The following AFF3 variants were observed in gnomAD, a reference collection of about 807,000 sequenced individuals.
The protein encoded by AFF3 is ALF transcription elongation factor 3.
Under a neutral mutation model 129.7 loss-of-function variants are expected in AFF3, and 32 were observed. The observed-to-expected ratio is 0.25, with a 90% confidence interval of 0.19 to 0.33. AFF3 has a LOEUF of 0.33. Among genes scored for constraint, AFF3 ranks in the 10% least tolerant of loss-of-function variants. The pLI is 1.00. For synonymous variants in AFF3, 644 were observed against 635.4 expected, an observed-to-expected ratio of 1.01 and a Z score of -0.20; for missense variants, 1,373 against 1,592.0, an observed-to-expected ratio of 0.86 and a Z score of 2.34.
At chr2:99,745,666 G>T (rs938690418) in intron 9 of AFF3, among the ~76,000 whole-genome samples, 2 of 152,168 alleles carry the variant, frequency 1.3e-5, no homozygotes, top group African/African-American at 4.8e-5. Context: ...TTAAACAACT[G>T]TTGTCAATCT....
chr2:100,108,783 C>T (rs978363461), intron 2 of AFF3, among the ~76,000 whole-genome samples: 19 of 151,948 alleles, frequency 1.3e-4, no homozygotes, highest in African/African-American at 4.6e-4. Flanking sequence ...AAGAGCTGCT[C>T]CTAGGGTTCA....
intron 7 of AFF3, among the ~76,000 whole-genome samples, chr2:99,950,535 C>T (rs1441555157): frequency 2.0e-5 from 3 of 152,142 alleles, no homozygotes; most frequent in East Asian, 1.9e-4. Context: ...TAATTCATTG[C>T]TACTACTAAT....
intron 11 of AFF3, among the ~76,000 whole-genome samples, chr2:99,706,161 A>G (rs1677366345): frequency 1.3e-5 from 2 of 152,288 alleles, no homozygotes; most frequent in East Asian, 1.9e-4. Flanking sequence ...TATTAGAATC[A>G]TAAGGCAGGT....
chr2:99,905,957 CT>C (rs1446078450), intron 7 of AFF3, among the ~76,000 whole-genome samples: 9 of 151,964 alleles, frequency 5.9e-5, no homozygotes, highest in Admixed American at 5.9e-4. Flanking sequence ...CGCTGATAAT[CT>C]TTGCTCTGCA....
Position 100,052,782 on chromosome 2 carries a change from G to A in AFF3, c.54-43850C>T, listed in dbSNP as rs151137915. On this transcript the variant is annotated intron_variant, in intron 4 of 24. Transcript: ENST00000672756. ...GGCCACTCTCAGTCCATTCACTAATGAGGACTCCTGCAGGGGCAGGGCAGG... is the reference window on the plus strand; with the variant it reads ...GGCCACTCTCAGTCCATTCACTAATAAGGACTCCTGCAGGGGCAGGGCAGG... Among the ~76,000 whole-genome samples, 3 of 152,314 alleles carry A rather than the reference G, an allele frequency of 2.0e-5. No individual in the cohort carries two copies. The East Asian group carries it at 5.8e-4, about 29-fold the overall frequency.
At chr2:100,137,651 G>A (rs1440279780) in intron 1 of AFF3, among the ~76,000 whole-genome samples, 1 of 152,198 alleles carries the variant, frequency 6.6e-6, no homozygotes. Context: ...CGCCCTAAGG[G>A]AGTTGGCATG....
chr2:99,722,441 A>C (rs1298295798), intron 11 of AFF3, among the ~76,000 whole-genome samples: 2 of 152,144 alleles, frequency 1.3e-5, no homozygotes, highest in African/African-American at 4.8e-5. Context: ...TTGGGTACTT[A>C]GTGTTATACT....
At chr2:99,885,270 T>C (rs918674571) in intron 7 of AFF3, among the ~76,000 whole-genome samples, 3 of 152,144 alleles carry the variant, frequency 2.0e-5, no homozygotes, top group Admixed American at 2.0e-4. Flanking sequence ...TTACCCTACC[T>C]CACACACAAA....
At chr2:99,915,246 T>TA (rs930826583) in intron 7 of AFF3, among the ~76,000 whole-genome samples, 21 of 150,574 alleles carry the variant, frequency 1.4e-4, no homozygotes, top group South Asian at 8.4e-4. Context: ...GCAGTTAACA[T>TA]AAAAAAAAAC....
chr2:100,002,634 C>A (rs528501576), intron 7 of AFF3, among the ~76,000 whole-genome samples: 1 of 152,302 alleles, frequency 6.6e-6, no homozygotes, highest in African/African-American at 2.4e-5. Context: ...TGTCTCTTTC[C>A]TTACCACTGA....
chr2:99,641,167 C>A (rs74698396), intron 13 of AFF3, among the ~76,000 whole-genome samples: 15 of 152,184 alleles, frequency 9.9e-5, no homozygotes, highest in Admixed American at 9.8e-4. Flanking sequence ...GTGTCCTCCC[C>A]CTTCTCCTTC....
chr2:99,786,694 A>T (rs978059242), intron 8 of AFF3, among the ~76,000 whole-genome samples: 1 of 152,156 alleles, frequency 6.6e-6, no homozygotes, highest in Non-Finnish European at 1.5e-5. Context: ...AAAAAAAAAT[A>T]AACTATAACT....
intron 7 of AFF3, among the ~76,000 whole-genome samples, chr2:99,841,468 T>C (rs1328392359): frequency 3.3e-5 from 5 of 152,216 alleles, no homozygotes; most frequent in Non-Finnish European, 5.9e-5. Flanking sequence ...GTGAGGGACT[T>C]CTAACAACAG....
chr2:99,996,618 G>A (rs1680862127), intron 7 of AFF3, among the ~76,000 whole-genome samples: 2 of 145,614 alleles, frequency 1.4e-5, no homozygotes. Flanking sequence ...CTGACCTTGT[G>A]ATCCGCCCGC....
chr2:99,813,348 C>CT (rs1418858100), intron 8 of AFF3, among the ~76,000 whole-genome samples: 7 of 152,300 alleles, frequency 4.6e-5, no homozygotes, highest in Middle Eastern at 3.4e-3. Flanking sequence ...TATTCAAAAG[C>CT]TAACAGGATG....
At chr2:99,689,367 T>A (rs1675376837) in intron 11 of AFF3, among the ~76,000 whole-genome samples, 1 of 152,148 alleles carries the variant, frequency 6.6e-6, no homozygotes. Flanking sequence ...TCTCTGAGTC[T>A]CGGCCTGGGC....
Position 99,703,033 on chromosome 2 carries a change from T to C in AFF3, c.1091+24044A>G, listed in dbSNP as rs182994537. On this transcript the variant is annotated intron_variant, in intron 11 of 24. Coordinates refer to ENST00000672756, the MANE Select transcript of AFF3 (RefSeq NM_001386135.1). ...TTCTTATGTTTTCATATTAGTTTCC[T>C]ATTGCTGCTATAAGAAATTACACAA... Among the ~76,000 whole-genome samples, 779 of 152,334 alleles carry C rather than the reference T, an allele frequency of 5.1e-3. 7 individuals carry two copies. The highest frequency in any genetic ancestry group is 0.017 in the African/African-American group (715 of 41,566).
At chr2:99,690,328 C>CA (rs1675514848) in intron 11 of AFF3, among the ~76,000 whole-genome samples, 2 of 150,784 alleles carry the variant, frequency 1.3e-5, no homozygotes, top group Non-Finnish European at 3.0e-5. Context: ...CTACAGGCAC[C>CA]CGCCACCACG....
intron 8 of AFF3, among the ~76,000 whole-genome samples, chr2:99,755,988 A>G (rs1682065382): frequency 6.6e-6 from 1 of 152,184 alleles, no homozygotes; most frequent in Admixed American, 6.5e-5. Context: ...CTGATTCTAT[A>G]CTTGGGCTCC....
Sources: allele counts gnomAD v4.1 joint callset (sites outside exome capture counted in the v4.1 genomes callset), GRCh38; gene constraint gnomAD v4.1.1; transcripts MANE v1.5; gene names NCBI Gene and HGNC (gene_info 2026-07-23, HGNC 2026-07-21).